EPHB1: variants seen among roughly 807,000 people sequenced by gnomAD.
EPHB1 encodes the protein EPH receptor B1.
Under a neutral mutation model 94.4 loss-of-function variants are expected in EPHB1, and 30 were observed. That is an observed-to-expected ratio of 0.32 (90% CI 0.24 to 0.43). The LOEUF (loss-of-function observed/expected upper bound fraction) is 0.43, where lower values mean the gene tolerates loss of function less well. EPHB1 is among the 20% of genes least tolerant of loss of function. The pLI, the probability that EPHB1 is intolerant of heterozygous loss-of-function variation, is 1.00. For missense variants in EPHB1, 1,055 were observed against 1,308.3 expected (o/e 0.81, Z 2.99); for synonymous variants, 522 against 489.1 (o/e 1.07, Z -0.89).
At chr3:135,011,549 G>A (rs1046710263) in intron 3 of EPHB1, among the ~76,000 whole-genome samples, 2 of 152,142 alleles carry the variant, frequency 1.3e-5, no homozygotes, top group African/African-American at 2.4e-5. Flanking sequence ...GCTGGGGGTC[G>A]TAGCCACTGA....
At chr3:134,864,048 A>G (rs1242393026) in intron 1 of EPHB1, among the ~76,000 whole-genome samples, 8 of 152,196 alleles carry the variant, frequency 5.3e-5, no homozygotes, top group Non-Finnish European at 1.2e-4. Context: ...AAATGCTCTC[A>G]GGAAAGTAGC....
At chr3:135,171,235 T>A (rs1941793271) in intron 9 of EPHB1, among the ~76,000 whole-genome samples, 1 of 152,346 alleles carries the variant, frequency 6.6e-6, no homozygotes, top group African/African-American at 2.4e-5. Flanking sequence ...TCAAGAGGAA[T>A]TGCAGATGGA....
At position 134,951,982 on chromosome 3, in the gene EPHB1, A is replaced by G; in HGVS notation, c.735A>G (p.Glu245=). The change falls in exon 3 of 16, where the codon GAA becomes GAG. Residue 245 remains glutamate, a synonymous_variant. Coordinates refer to ENST00000398015, the MANE Select transcript of EPHB1 (RefSeq NM_004441.5). The surrounding 1 kb of genome is among the most constrained non-coding windows in gnomAD (Gnocchi z 4.5). The part of the protein sequence containing the change: ...PIKLYCNGDG[E]WMVPIGRCTC... Reference sequence around the variant, plus strand: ...AACTCTACTGCAACGGGGATGGGGAATGGATGGTGCCTATTGGGCGATGCA... The same window carrying G: ...AACTCTACTGCAACGGGGATGGGGAGTGGATGGTGCCTATTGGGCGATGCA... 3.1e-6 allele frequency: 5 copies of G among 1,613,980 alleles called. No homozygotes were observed. Among genetic ancestry groups the G allele is most frequent in the Non-Finnish European group, 4.2e-6 (5 of 1,179,874 alleles).
chr3:134,935,085 C>A (rs541261187), intron 2 of EPHB1, among the ~76,000 whole-genome samples: 2 of 152,278 alleles, frequency 1.3e-5, no homozygotes, highest in South Asian at 4.1e-4. Context: ...TTGATGACAG[C>A]ACTTATCAAA....
chr3:135,241,182 A>T lies in EPHB1; in HGVS notation c.2381A>T (p.Glu794Val), dbSNP rs1407516775. Residue 794 changes from glutamate to valine, a missense_variant, in exon 13 of 16, where the codon GAG (glutamate) becomes GTG (valine). Transcript: ENST00000398015. The part of the protein sequence containing the change: ...GKIPVRWTAP[E>V]AIAYRKFTSA... ...ATCCCTGTGAGATGGACAGCTCCAG[A>T]GGCCATCGCCTACCGCAAGTTCACT... The T allele has an allele frequency of 6.2e-7, 1 of 1,614,180 alleles. No individual in the cohort carries two copies. Among genetic ancestry groups the T allele is most frequent in the Non-Finnish European group, 8.5e-7 (1 of 1,180,026 alleles).
intron 12 of EPHB1, among the ~76,000 whole-genome samples, chr3:135,225,176 G>A (rs923157708): frequency 2.6e-5 from 4 of 152,082 alleles, no homozygotes; most frequent in East Asian, 1.9e-4. Context: ...ACCTGTCCTC[G>A]TTTCACCCAC....
At chr3:134,984,640 G>A (rs1934529226) in intron 3 of EPHB1, among the ~76,000 whole-genome samples, 1 of 151,760 alleles carries the variant, frequency 6.6e-6, no homozygotes, top group Non-Finnish European at 1.5e-5. Flanking sequence ...GCCCTCACCT[G>A]GGCCCCAGAG....
intron 1 of EPHB1, among the ~76,000 whole-genome samples, chr3:134,887,275 T>C (rs2037880614): frequency 6.6e-6 from 1 of 152,172 alleles, no homozygotes; most frequent in Non-Finnish European, 1.5e-5. Context: ...CCACTGGACT[T>C]CTTCATAGCA....
intron 4 of EPHB1, among the ~76,000 whole-genome samples, chr3:135,132,346 C>T (rs1418598215): frequency 6.6e-6 from 1 of 151,108 alleles, no homozygotes; most frequent in Admixed American, 6.6e-5. Flanking sequence ...TAAGATTAGA[C>T]AAAGAATCCA....
chr3:134,977,242 G>C (rs1475385607), intron 3 of EPHB1, among the ~76,000 whole-genome samples: 1 of 152,200 alleles, frequency 6.6e-6, no homozygotes, highest in African/African-American at 2.4e-5. Flanking sequence ...GGATGTGAAG[G>C]AGAATGCCTT....
rs1407948677 is a variant in EPHB1, at chr3:135,260,159, C to A, written c.*1039C>A. 4.3e-6 allele frequency: 1 copy of A among 232,922 alleles called. No homozygotes were observed. Among genetic ancestry groups the A allele is most frequent in the Non-Finnish European group, 8.5e-6 (1 of 117,594 alleles). The allele number at this position is 232,922 out of a possible 1,614,324, so 14.4% of individuals were successfully genotyped here. The stretch of plus-strand genomic sequence containing the variant: ...TGATTAATTATTCCTGATAACATCT[C>A]AAGAAAAGGAGAAGGAAAGTGTTTC... On this transcript the variant is annotated 3_prime_UTR_variant, in exon 16 of 16. Coordinates refer to ENST00000398015, the MANE Select transcript of EPHB1 (RefSeq NM_004441.5).
intron 1 of EPHB1, among the ~76,000 whole-genome samples, chr3:134,816,772 C>T (rs1269156328): frequency 2.6e-5 from 4 of 151,918 alleles, no homozygotes; most frequent in African/African-American, 4.8e-5. Flanking sequence ...TTCTAAGCAG[C>T]TTAGAAAAGC....
intron 12 of EPHB1, among the ~76,000 whole-genome samples, chr3:135,224,867 T>C (rs1156818319): frequency 1.3e-5 from 2 of 152,256 alleles, no homozygotes; most frequent in Non-Finnish European, 2.9e-5. Context: ...CTTTGATTTT[T>C]ACCTGAGAAG....
intron 1 of EPHB1, among the ~76,000 whole-genome samples, chr3:134,883,211 G>A (rs993481561): frequency 6.6e-6 from 1 of 152,156 alleles, no homozygotes; most frequent in Non-Finnish European, 1.5e-5. Flanking sequence ...CTTTGAAGAA[G>A]GCAAAAGAAA....
chr3:135,218,590 C>T (rs907795254), intron 12 of EPHB1, among the ~76,000 whole-genome samples: 2 of 152,226 alleles, frequency 1.3e-5, no homozygotes, highest in Non-Finnish European at 2.9e-5. Context: ...AGCCCTCTTC[C>T]TCAATATGCC....
intron 3 of EPHB1, among the ~76,000 whole-genome samples, chr3:135,011,208 C>T (rs904531999): frequency 3.3e-5 from 5 of 152,180 alleles, no homozygotes; most frequent in East Asian, 1.9e-4. Flanking sequence ...TGGCATTGAA[C>T]GTGGTCAGCT....
intron 3 of EPHB1, among the ~76,000 whole-genome samples, chr3:134,978,438 C>T (rs1934276152): frequency 6.6e-6 from 1 of 152,120 alleles, no homozygotes; most frequent in Non-Finnish European, 1.5e-5. Context: ...GCAATCTGCC[C>T]CCACCCCTCC....
intron 12 of EPHB1, among the ~76,000 whole-genome samples, chr3:135,225,269 T>G (rs1337478953): frequency 6.6e-6 from 1 of 152,132 alleles, no homozygotes; most frequent in Non-Finnish European, 1.5e-5. Context: ...CTCCCAATCC[T>G]TGGGAGATAC....
intron 1 of EPHB1, among the ~76,000 whole-genome samples, chr3:134,875,702 CTAAG>C (rs2108309357): frequency 6.6e-6 from 1 of 152,296 alleles, no homozygotes; most frequent in South Asian, 2.1e-4. Flanking sequence ...ATCGCTGTAC[CTAAG>C]TGAGATGATT....
Sources: allele counts gnomAD v4.1 joint callset (sites outside exome capture counted in the v4.1 genomes callset), GRCh38; gene constraint gnomAD v4.1.1; non-coding constraint Gnocchi (gnomAD v3.1); transcripts MANE v1.5; gene names NCBI Gene and HGNC (gene_info 2026-07-23, HGNC 2026-07-21).